NCAM2: variants seen among roughly 807,000 people sequenced by gnomAD.
The protein encoded by NCAM2 is neural cell adhesion molecule 2.
A neutral mutation model predicts 98.1 loss-of-function variants in NCAM2; 30 were observed. That is an observed-to-expected ratio of 0.31 (90% confidence interval 0.23 to 0.41). The LOEUF (loss-of-function observed/expected upper bound fraction) is 0.41. Among genes scored for constraint, NCAM2 ranks in the 10% least tolerant of loss-of-function variants. NCAM2 has a pLI of 1.00. For synonymous variants in NCAM2, 368 were observed against 342.4 expected, an observed-to-expected ratio of 1.07 and a Z score of -0.83; for missense variants, 867 against 1,005.8, an observed-to-expected ratio of 0.86 and a Z score of 1.87.
rs532945503 is a variant in NCAM2, at chr21:21,419,442, G to A, written c.1480+873G>A. 3.8e-4 allele frequency among the ~76,000 whole-genome samples: 56 copies of A among 148,420 alleles called. No homozygotes were observed. In the South Asian group the frequency reaches 0.012, roughly 32 times the overall value. ...AGTTACATATGTATACACGTGCCAT[G>A]CTGGTGTGCTGCACCCATTAACTCG... On this transcript the variant is annotated intron_variant, in intron 11 of 17. Coordinates refer to ENST00000400546, the MANE Select transcript of NCAM2 (RefSeq NM_004540.5).
chr21:21,430,906 C>T (rs1435044968), intron 11 of NCAM2, among the ~76,000 whole-genome samples: 4 of 151,526 alleles, frequency 2.6e-5, no homozygotes, highest in East Asian at 1.9e-4. Context: ...ATTAGCTGGG[C>T]GTGGTGGTGC....
chr21:21,303,680 C>A (rs1601918784), intron 5 of NCAM2, among the ~76,000 whole-genome samples: 1 of 152,150 alleles, frequency 6.6e-6, no homozygotes, highest in East Asian at 1.9e-4. Context: ...TTTTAAAAAA[C>A]ACTTCCTAAA....
intron 1 of NCAM2, among the ~76,000 whole-genome samples, chr21:21,207,290 G>A (rs2069474743): frequency 6.6e-6 from 1 of 152,068 alleles, no homozygotes; most frequent in Non-Finnish European, 1.5e-5. Flanking sequence ...TGTGTACAAT[G>A]GTAATTTTTG....
At position 21,222,996 on chromosome 21, in the gene NCAM2, G is replaced by A. The variant is rs376486883; in HGVS notation, c.56-57582G>A. Among the ~76,000 whole-genome samples the A allele has an allele frequency of 3.2e-4, 48 of 152,182 alleles. 1 individual carries two copies. In the East Asian group the frequency reaches 5.6e-3, roughly 18 times the overall value. On this transcript the variant is annotated intron_variant, in intron 1 of 17. Transcript: ENST00000400546. ...TCTCTGATCAGTCTGCAGCCATGAC[G>A]TTGATGCAAAACCCTCCACCAGTAA...
Position 21,508,989 on chromosome 21 carries a change from T to A in NCAM2, c.2216T>A (p.Met739Lys). 6.2e-7 allele frequency: 1 copy of A among 1,613,644 alleles called. No individual in the cohort carries two copies. The highest frequency in any genetic ancestry group is 8.5e-7 in the Non-Finnish European group (1 of 1,179,790). ...TTGCTGATGTGCATCACTAGGAGAA[T>A]GTGTGGAAAGAAAAGTGGCTCCAGT... ...CGLLMCITRR[M>K]CGKKSGSSGK... The change falls in exon 16 of 18, where the codon ATG becomes AAG. Residue 739 changes from methionine (M) to lysine (K), a missense_variant. Transcript: ENST00000400546.
At chr21:21,239,694 A>T (rs989481260) in intron 1 of NCAM2, among the ~76,000 whole-genome samples, 1 of 152,096 alleles carries the variant, frequency 6.6e-6, no homozygotes, top group African/African-American at 2.4e-5. Context: ...CTGCTCTTAA[A>T]GCACATTTTA....
At chr21:21,001,936 G>A (rs1398894935) in intron 1 of NCAM2, among the ~76,000 whole-genome samples, 4 of 152,102 alleles carry the variant, frequency 2.6e-5, no homozygotes, top group African/African-American at 9.7e-5. Flanking sequence ...GTGTGTGAGT[G>A]TCTACTAGTT....
chr21:21,183,289 A>G (rs2068537639), intron 1 of NCAM2, among the ~76,000 whole-genome samples: 1 of 152,178 alleles, frequency 6.6e-6, no homozygotes, highest in Non-Finnish European at 1.5e-5. Context: ...GGCCAGAATT[A>G]AAATGCTTGT....
chr21:21,046,121 A>C (rs957317085), intron 1 of NCAM2, among the ~76,000 whole-genome samples: 1 of 152,126 alleles, frequency 6.6e-6, no homozygotes, highest in Non-Finnish European at 1.5e-5. Context: ...TATGTAAAGC[A>C]CTCCGAAAAA....
intron 15 of NCAM2, among the ~76,000 whole-genome samples, chr21:21,502,414 G>C (rs1987696373): frequency 6.6e-6 from 1 of 151,840 alleles, no homozygotes; most frequent in Non-Finnish European, 1.5e-5. Context: ...TTCCACAAAA[G>C]TATTGTTGAA....
intron 1 of NCAM2, among the ~76,000 whole-genome samples, chr21:21,038,726 C>G (rs192972327): frequency 1.6e-4 from 25 of 152,264 alleles, no homozygotes; most frequent in African/African-American, 6.0e-4. Flanking sequence ...GGAATTTCTT[C>G]ATAGCAGTGT....
intron 1 of NCAM2, among the ~76,000 whole-genome samples, chr21:21,010,809 A>G (rs1739987627): frequency 6.6e-6 from 1 of 152,094 alleles, no homozygotes; most frequent in Admixed American, 6.6e-5. Flanking sequence ...AAGTGTCATT[A>G]CTAATTAGAA....
chr21:21,337,409 A>C (rs1488346918), intron 7 of NCAM2, among the ~76,000 whole-genome samples: 1 of 152,236 alleles, frequency 6.6e-6, no homozygotes, highest in South Asian at 2.1e-4. Context: ...ATATAACTAA[A>C]TCTATTAAAG....
intron 1 of NCAM2, among the ~76,000 whole-genome samples, chr21:21,052,287 C>T (rs1054385287): frequency 7.3e-5 from 11 of 151,644 alleles, no homozygotes; most frequent in Non-Finnish European, 1.3e-4. Flanking sequence ...CCTCAGCCTC[C>T]TGAGGAGCTG....
At chr21:21,306,949 TGCTCTTCTGTGCCTG>T (rs1197393405) in intron 5 of NCAM2, among the ~76,000 whole-genome samples, 1 of 152,144 alleles carries the variant, frequency 6.6e-6, no homozygotes, top group Non-Finnish European at 1.5e-5. Flanking sequence ...ATGCAATGTT[TGCTCTTCTGTGCCTG>T]GCTTATTTCA....
chr21:21,362,819 A>G (rs754207398), intron 8 of NCAM2, among the ~76,000 whole-genome samples: 1 of 152,212 alleles, frequency 6.6e-6, no homozygotes, highest in South Asian at 2.1e-4. Context: ...GGTAATAACT[A>G]TGAATATGTT....
chr21:21,100,418 G>A (rs913068448), intron 1 of NCAM2, among the ~76,000 whole-genome samples: 1 of 151,932 alleles, frequency 6.6e-6, no homozygotes, highest in African/African-American at 2.4e-5. Context: ...GCATATCTTT[G>A]TGGATGCTGG....
chr21:21,409,567 G>T (rs2076814724), intron 9 of NCAM2, among the ~76,000 whole-genome samples: 1 of 152,126 alleles, frequency 6.6e-6, no homozygotes, highest in Non-Finnish European at 1.5e-5. Context: ...AGTGAGGAAA[G>T]AACCATTTAT....
intron 8 of NCAM2, among the ~76,000 whole-genome samples, chr21:21,341,309 A>T (rs1451190426): frequency 6.6e-6 from 1 of 152,150 alleles, no homozygotes; most frequent in Non-Finnish European, 1.5e-5. Context: ...CACTTCTTGA[A>T]GTTGATTTAG....
Sources: allele counts gnomAD v4.1 joint callset (sites outside exome capture counted in the v4.1 genomes callset), GRCh38; gene constraint gnomAD v4.1.1; transcripts MANE v1.5; gene names NCBI Gene and HGNC (gene_info 2026-07-23, HGNC 2026-07-21).